The following SLC25A26 variants were observed in gnomAD, a reference collection of about 807,000 sequenced individuals.
SLC25A26 encodes the protein mitochondrial S-adenosylmethionine carrier protein.
Under a neutral mutation model 37.8 loss-of-function variants are expected in SLC25A26, and 36 were observed. The observed-to-expected ratio is 0.95, with a 90% CI of 0.73 to 1.26. The LOEUF is 1.26. Ranked by LOEUF, SLC25A26 falls within the 50% of genes most tolerant of loss-of-function variation. The pLI, the probability that SLC25A26 is intolerant of heterozygous loss-of-function variation, is 0.00. For missense variants in SLC25A26, 390 were observed against 331.1 expected, an observed-to-expected ratio of 1.18 and a Z score of -1.38; for synonymous variants, 129 against 122.5, an observed-to-expected ratio of 1.05 and a Z score of -0.35.
intron 1 of SLC25A26, among the ~76,000 whole-genome samples, chr3:66,177,539 C>T (rs2070608839): frequency 6.6e-6 from 1 of 152,234 alleles, no homozygotes; most frequent in African/African-American, 2.4e-5. Context: ...CCCTCCACCT[C>T]ACATTAAATC....
chr3:66,295,406 T>G (rs1051591778), intron 5 of SLC25A26, among the ~76,000 whole-genome samples: 19 of 91,354 alleles, frequency 2.1e-4, no homozygotes, highest in Non-Finnish European at 4.3e-4. Flanking sequence ...TGTATTTTTG[T>G]TTTTTTTTTT....
chr3:66,283,237 G>C (rs1424078464), intron 5 of SLC25A26, among the ~76,000 whole-genome samples: 1 of 152,116 alleles, frequency 6.6e-6, no homozygotes, highest in Non-Finnish European at 1.5e-5. Context: ...GCTGGGCCAT[G>C]TGGTGAGTGT....
At chr3:66,318,871 A>G (rs2075615208) in intron 5 of SLC25A26, among the ~76,000 whole-genome samples, 1 of 152,016 alleles carries the variant, frequency 6.6e-6, no homozygotes, top group East Asian at 1.9e-4. Flanking sequence ...GCTGGTGTCT[A>G]ACTCCTGGAC....
intron 5 of SLC25A26, among the ~76,000 whole-genome samples, chr3:66,319,018 A>G (rs989992728): frequency 2.6e-5 from 4 of 152,134 alleles, no homozygotes; most frequent in African/African-American, 7.2e-5. Context: ...ATACTTACCA[A>G]CTTTCACTTG....
intron 3 of SLC25A26, among the ~76,000 whole-genome samples, chr3:66,255,945 C>G (rs1165897736): frequency 4.6e-5 from 7 of 152,098 alleles, no homozygotes; most frequent in African/African-American, 7.2e-5. Flanking sequence ...ATCGGAGAGG[C>G]TTTTCAAAGT....
chr3:66,354,260 A>G (rs1259232570), intron 6 of SLC25A26, among the ~76,000 whole-genome samples: 3 of 152,048 alleles, frequency 2.0e-5, no homozygotes, highest in African/African-American at 4.8e-5. Context: ...GCTTACAGCT[A>G]CAGGGTGTTA....
chr3:66,217,773 C>G (rs940931022), upstream of SLC25A26, among the ~76,000 whole-genome samples: 2 of 152,308 alleles, frequency 1.3e-5, no homozygotes, highest in East Asian at 1.9e-4. Context: ...TGGTCTCAAA[C>G]TTCTGACCTC....
At chr3:66,165,679 A>T (rs897351381) in intron 1 of SLC25A26, among the ~76,000 whole-genome samples, 2 of 152,208 alleles carry the variant, frequency 1.3e-5, no homozygotes, top group African/African-American at 2.4e-5. Flanking sequence ...CAGAAAAATG[A>T]AAACTATCAA....
chr3:66,241,714 A>T (rs555194684), intron 2 of SLC25A26, among the ~76,000 whole-genome samples: 6 of 151,948 alleles, frequency 3.9e-5, no homozygotes, highest in Non-Finnish European at 7.4e-5. Flanking sequence ...TTCTTTTGCT[A>T]TTGGTTACGG....
At chr3:66,158,215 T>C (rs2070310419) in intron 1 of SLC25A26, among the ~76,000 whole-genome samples, 1 of 152,238 alleles carries the variant, frequency 6.6e-6, no homozygotes, top group African/African-American at 2.4e-5. Context: ...ATGCACAATA[T>C]GTGGCCTTTA....
intron 1 of SLC25A26, among the ~76,000 whole-genome samples, chr3:66,235,463 A>AG (rs2072232023): frequency 0.024 from 1 of 42 alleles, no homozygotes; most frequent in South Asian, 0.5. Flanking sequence ...TTTAGCTCTT[A>AG]AAAAAATCAA....
At chr3:66,208,810 G>GTATATA (rs1464581581) in intron 1 of SLC25A26, among the ~76,000 whole-genome samples, 7 of 100,900 alleles carry the variant, frequency 6.9e-5, no homozygotes, top group Non-Finnish European at 1.4e-4. Context: ...CTTTACATGG[G>GTATATA]TATATATATA....
intron 1 of SLC25A26, among the ~76,000 whole-genome samples, chr3:66,184,165 C>T (rs978518638): frequency 1.3e-5 from 2 of 151,982 alleles, no homozygotes; most frequent in Admixed American, 6.6e-5. Flanking sequence ...CTTACCACAG[C>T]TCTAATACTT....
At chr3:66,136,272 T>A (rs2069945924) in intron 1 of SLC25A26, among the ~76,000 whole-genome samples, 1 of 152,212 alleles carries the variant, frequency 6.6e-6, no homozygotes, top group Non-Finnish European at 1.5e-5. Flanking sequence ...TAGTAATGAG[T>A]TAAATAAAAT....
chr3:66,236,491 T>G (rs1272024858), intron 1 of SLC25A26, 53 bp from the exon 2 acceptor site: 5 of 1,393,668 alleles, frequency 3.6e-6, no homozygotes, highest in East Asian at 5.1e-5. Context: ...GCCGAGAGCT[T>G]ATTTTGTTGT....
At chr3:66,258,556 A>C (rs1055675795) in intron 3 of SLC25A26, among the ~76,000 whole-genome samples, 1 of 152,224 alleles carries the variant, frequency 6.6e-6, no homozygotes, top group Non-Finnish European at 1.5e-5. Flanking sequence ...TGTTCAATGG[A>C]GATATAATGT....
At chr3:66,318,338 T>C (rs1197876071) in intron 5 of SLC25A26, among the ~76,000 whole-genome samples, 1 of 152,160 alleles carries the variant, frequency 6.6e-6, no homozygotes, top group Non-Finnish European at 1.5e-5. Flanking sequence ...GATCTGTGGA[T>C]TGCAAGAATC....
chr3:66,311,137 G>A (rs1029145949), intron 5 of SLC25A26, among the ~76,000 whole-genome samples: 1 of 152,066 alleles, frequency 6.6e-6, no homozygotes, highest in African/African-American at 2.4e-5. Flanking sequence ...CCAATCAATC[G>A]TAGGTTTGGT....
intron 3 of SLC25A26, among the ~76,000 whole-genome samples, chr3:66,252,492 T>C (rs1017884456): frequency 5.3e-5 from 8 of 152,172 alleles, no homozygotes; most frequent in South Asian, 2.1e-4. Context: ...TGTCCACTTA[T>C]TTGTCTGTAG....
Sources: gnomAD v4.1 joint callset for allele counts (sites outside exome capture counted in the v4.1 genomes callset) on GRCh38, gnomAD v4.1.1 for gene constraint, MANE v1.5 for transcripts, NCBI Gene and HGNC (gene_info 2026-07-23, HGNC 2026-07-21) for gene names.